The following C1GALT1 variants were observed in gnomAD, a reference collection of about 807,000 sequenced individuals.
C1GALT1 encodes core 1 synthase, glycoprotein-N-acetylgalactosamine 3-beta-galactosyltransferase 1.
C1GALT1 carries 11 observed loss-of-function variants against 31.0 expected under a neutral mutation model. That is an observed-to-expected ratio of 0.36 (90% CI 0.22 to 0.59). The LOEUF is 0.59. Ranked by LOEUF, C1GALT1 falls within the 20% of genes least tolerant of loss-of-function variation. C1GALT1 has a pLI of 0.79. For synonymous variants in C1GALT1, 175 were observed against 143.6 expected (o/e 1.22, Z -1.56); for missense variants, 424 against 425.2 (o/e 1.00, Z 0.03).
At chr7:7,179,531 C>A (rs1780545548), upstream of C1GALT1, among the ~76,000 whole-genome samples, 1 of 152,124 alleles carries the variant, frequency 6.6e-6, no homozygotes, top group Non-Finnish European at 1.5e-5. Context: ...TTTTCTGTCA[C>A]CATTTTCACC....
upstream of C1GALT1, among the ~76,000 whole-genome samples, chr7:7,181,737 G>A (rs977407845): frequency 1.3e-5 from 2 of 152,178 alleles, no homozygotes; most frequent in African/African-American, 2.4e-5. Context: ...CGCTTGGATA[G>A]GGCATTTAAA....
intron 1 of C1GALT1, among the ~76,000 whole-genome samples, chr7:7,227,881 T>C (rs1447231667): frequency 6.6e-6 from 1 of 152,224 alleles, no homozygotes; most frequent in Non-Finnish European, 1.5e-5. Context: ...GCCTTGGACT[T>C]TCTAGCCTCC....
chr7:7,180,491 TA>T (rs1480423498), upstream of C1GALT1, among the ~76,000 whole-genome samples: 1 of 151,320 alleles, frequency 6.6e-6, no homozygotes, highest in Non-Finnish European at 1.5e-5. Context: ...ATGCAACTTT[TA>T]AAAATGATGT....
At chr7:7,172,750 A>G (rs13228554) in intron 2 of C1GALT1, among the ~76,000 whole-genome samples, 20,042 of 152,150 alleles carry the variant, frequency 0.13, 1,568 homozygotes, top group African/African-American at 0.21. Flanking sequence ...CTCCCCCACT[A>G]TCAACATCTC....
chr7:7,238,124 C>A lies in C1GALT1; in HGVS notation c.221-131C>A. 1 of 891,472 alleles carries A rather than the reference C, an allele frequency of 1.1e-6. No homozygotes were observed. The highest frequency in any genetic ancestry group is 1.7e-6 in the Non-Finnish European group (1 of 605,172). The allele number at this position is 891,472 out of a possible 1,614,324, so 55.2% of individuals were successfully genotyped here. ...TTCACATTAGGATGAGTTTGCTTTC[C>A]TTTGGCTAAATCACTAATAGAGGGA... On this transcript the variant is annotated intron_variant, in intron 2 of 3. Transcript: ENST00000436587. The surrounding 1 kb of genome is among the most constrained non-coding windows in gnomAD (Gnocchi z 5.2).
intron 2 of C1GALT1, among the ~76,000 whole-genome samples, chr7:7,174,747 T>A (rs1780486701): frequency 6.6e-6 from 1 of 152,004 alleles, no homozygotes; most frequent in Admixed American, 6.6e-5. Flanking sequence ...GCCACTTAGA[T>A]TTTTTTATTT....
intron 2 of C1GALT1, among the ~76,000 whole-genome samples, chr7:7,236,529 T>C (rs1783361984): frequency 1.3e-5 from 2 of 152,148 alleles, no homozygotes; most frequent in African/African-American, 4.8e-5. Context: ...TTTTTATTTT[T>C]TATTTTTTTT....
chr7:7,224,974 G>C (rs1294612609), intron 1 of C1GALT1, among the ~76,000 whole-genome samples: 2 of 152,088 alleles, frequency 1.3e-5, no homozygotes, highest in African/African-American at 4.8e-5. Flanking sequence ...CCTCCCTCCA[G>C]TCTTAGGTAG....
Position 7,234,429 on chromosome 7 carries a change from C to A in C1GALT1, c.110C>A (p.Thr37Asn). 1 of 1,613,810 alleles carries A rather than the reference C, an allele frequency of 6.2e-7. No individual in the cohort carries two copies. The highest frequency in any genetic ancestry group is 8.5e-7 in the Non-Finnish European group (1 of 1,179,784). The change falls in exon 2 of 4, where the codon ACC (threonine) becomes AAC (asparagine). Residue 37 changes from threonine (T) to asparagine (N), a missense_variant. By Grantham distance (65) the Thr-to-Asn change is moderately conservative. This residue lies in a region of C1GALT1 where 189 missense variants were observed against 158.2 expected (regional missense o/e 1.19). Transcript: ENST00000436587. ...FSILLGEKVD[T>N]QPNVLHNDPH... The stretch of plus-strand genomic sequence containing the variant: ...ATTTTGTTGGGAGAAAAGGTTGACA[C>A]CCAGCCTAATGTTCTTCATAATGAT...
chr7:7,203,917 C>G (rs913818685), intron 1 of C1GALT1, among the ~76,000 whole-genome samples: 3 of 151,976 alleles, frequency 2.0e-5, no homozygotes, highest in African/African-American at 7.2e-5. Flanking sequence ...ATTTCTCCAA[C>G]TATTATCATT....
At chr7:7,188,019 G>A (rs946355224) in intron 1 of C1GALT1, among the ~76,000 whole-genome samples, 3 of 152,174 alleles carry the variant, frequency 2.0e-5, no homozygotes, top group Admixed American at 6.5e-5. Context: ...CGGGGTATGA[G>A]TTAAAGAGGG....
upstream of C1GALT1, among the ~76,000 whole-genome samples, chr7:7,182,390 C>A (rs950856856): frequency 1.3e-5 from 2 of 152,232 alleles, no homozygotes; most frequent in African/African-American, 2.4e-5. Flanking sequence ...ATCTACTGCT[C>A]GTGCAAGATC....
At position 7,162,901 on chromosome 7, in the gene C1GALT1, G is replaced by T. The variant is rs1435293364; in HGVS notation, c.-18+5475G>T. ...GCATTTTTTCATGTGTTTTTTGGCTGCATAAATGTCTTCTTTTGAGAAGTG... is the reference window on the plus strand; with the variant it reads ...GCATTTTTTCATGTGTTTTTTGGCTTCATAAATGTCTTCTTTTGAGAAGTG... On this transcript the variant is annotated intron_variant, in intron 2 of 3. Coordinates refer to the C1GALT1 transcript ENST00000429911. Among the ~76,000 whole-genome samples the T allele has an allele frequency of 2.0e-5, 3 of 152,116 alleles. 1 individual carries two copies. The highest frequency in any genetic ancestry group is 2.9e-5 in the Non-Finnish European group (2 of 68,012).
intron 1 of C1GALT1, chr7:7,183,687 G>T: frequency 3.0e-6 from 2 of 668,968 alleles, no homozygotes; most frequent in Non-Finnish European, 3.4e-6. Flanking sequence ...CCACCACCCC[G>T]CATTTAAAGC....
At chr7:7,195,289 CTT>C (rs984883398) in intron 1 of C1GALT1, among the ~76,000 whole-genome samples, 1 of 152,118 alleles carries the variant, frequency 6.6e-6, no homozygotes, top group African/African-American at 2.4e-5. Flanking sequence ...CTCTTTCAGA[CTT>C]TTTGATGTAG....
chr7:7,186,313 A>G (rs1476352027), intron 1 of C1GALT1, among the ~76,000 whole-genome samples: 1 of 152,236 alleles, frequency 6.6e-6, no homozygotes, highest in African/African-American at 2.4e-5. Flanking sequence ...ACAAACATTC[A>G]GACCACAGCA....
intron 1 of C1GALT1, among the ~76,000 whole-genome samples, chr7:7,206,663 CA>C (rs1337589307): frequency 7.9e-6 from 1 of 127,330 alleles, no homozygotes; most frequent in African/African-American, 3.1e-5. Context: ...GCAACAAGAG[CA>C]AAACTCCGTC....
At chr7:7,217,327 G>T (rs1013752430) in intron 1 of C1GALT1, among the ~76,000 whole-genome samples, 2 of 151,992 alleles carry the variant, frequency 1.3e-5, no homozygotes, top group Non-Finnish European at 2.9e-5. Context: ...GGGGTGGGGG[G>T]GCTCCAAAGC....
In C1GALT1 at chr7:7,227,852, A is replaced by G. The variant is rs567583893; in HGVS notation, c.-17-6451A>G. 7.2e-5 allele frequency among the ~76,000 whole-genome samples: 11 copies of G among 152,274 alleles called. No homozygotes were observed. In the South Asian group the frequency reaches 2.3e-3, roughly 32 times the overall value. On this transcript the variant is annotated intron_variant, in intron 1 of 3. Transcript: ENST00000436587. ...AGTCCTCAACAGCAAGAAGGCTCTT[A>G]CCAGATGTGCCCCCTTTGGCCTTGG...
Sources: allele counts gnomAD v4.1 joint callset (sites outside exome capture counted in the v4.1 genomes callset), GRCh38; gene constraint gnomAD v4.1.1; regional missense constraint gnomAD v4.1.1; non-coding constraint Gnocchi (gnomAD v3.1); transcripts MANE v1.5; gene names NCBI Gene and HGNC (gene_info 2026-07-23, HGNC 2026-07-21).